The following GNAT2 variants were observed in gnomAD, a reference collection of about 807,000 sequenced individuals.
GNAT2 encodes guanine nucleotide-binding protein G(t) subunit alpha-2.
GNAT2 carries 32 observed loss-of-function variants against 40.9 expected under a neutral mutation model. The ratio of observed to expected loss-of-function variants is 0.78; its 90% confidence interval spans 0.59 to 1.05. The LOEUF (loss-of-function observed/expected upper bound fraction) is 1.05, where lower values mean the gene tolerates loss of function less well. Ranked by LOEUF, GNAT2 falls within the 50% of genes least tolerant of loss-of-function variation. GNAT2 has a pLI of 0.00. For synonymous variants in GNAT2, 141 were observed against 157.2 expected (o/e 0.90, Z 0.77); for missense variants, 355 against 431.5 (o/e 0.82, Z 1.57).
In GNAT2 at chr1:109,606,321, CTT is replaced by C; in HGVS notation, c.575_576del (p.Lys192ArgfsTer8). On this transcript the variant is annotated frameshift_variant, in exon 6 of 9. Transcript: ENST00000679935. LOFTEE classifies it high-confidence loss of function. ...TGIIETKFSV[K>X]DLNFRMFDVG... is the part of the protein sequence containing the mutation. ...CCATGCACTTACCTGAAATTCAAGTCTTTGACGGAAAACTTGGTTTCAATGAT... is the reference window on the plus strand; with the variant it reads ...CCATGCACTTACCTGAAATTCAAGTCTGACGGAAAACTTGGTTTCAATGAT... 6.2e-7 allele frequency: 1 copy of C among 1,613,894 alleles called. No individual in the cohort carries two copies. Among genetic ancestry groups the C allele is most frequent in the South Asian group, 1.1e-5 (1 of 91,072 alleles).
At chr1:109,606,852 A>ATT in intron 5 of GNAT2, 2 of 209,764 alleles carry the variant, frequency 9.5e-6, no homozygotes, top group African/African-American at 2.3e-5. Flanking sequence ...GGGAGGAAAC[A>ATT]TTTGAGATAA....
chr1:109,606,615 T>C (rs1021041079), intron 5 of GNAT2, 179 bp from the exon 6 acceptor site: 17 of 606,936 alleles, frequency 2.8e-5, no homozygotes, highest in African/African-American at 2.7e-4. Context: ...CTAGAGGAAA[T>C]GGGGGATGGA....
intron 5 of GNAT2, chr1:109,607,451 C>CAAAAAAAAAAAAAAAA (rs35202692): frequency 3.9e-5 from 5 of 126,770 alleles, no homozygotes; most frequent in African/African-American, 1.0e-4. Flanking sequence ...ACTCCGTCTC[C>CAAAAAAAAAAAAAAAA]AAAAAAAAAA....
chr1:109,617,899 A>C (rs576025912), intron 1 of GNAT2: 1 of 152,298 alleles, frequency 6.6e-6, no homozygotes, highest in South Asian at 2.1e-4. Context: ...TTTGAGATTC[A>C]TTTTATTCAT....
chr1:109,607,156 A>T (rs1177622727), intron 5 of GNAT2: 1 of 151,572 alleles, frequency 6.6e-6, no homozygotes, highest in African/African-American at 2.4e-5. Context: ...ATTTTTTTTA[A>T]AAAAAAAAAA....
chr1:109,604,147 T>A (rs749844683), intron 7 of GNAT2, 43 bp from the exon 8 acceptor site: 1 of 1,474,256 alleles, frequency 6.8e-7, no homozygotes. Flanking sequence ...ATTTGGCTTA[T>A]AGAATATCTA....
intron 8 of GNAT2, 90 bp from the exon 9 acceptor site, chr1:109,603,634 A>G (rs1393214364): frequency 2.2e-6 from 2 of 888,966 alleles, no homozygotes; most frequent in African/African-American, 1.6e-5. Context: ...GATCCTTGAA[A>G]TGTTATTAGA....
chr1:109,609,352 G>C (rs569480500), intron 4 of GNAT2: 84 of 179,302 alleles, frequency 4.7e-4, no homozygotes, highest in Non-Finnish European at 9.5e-4. Context: ...AGGGCTTGAG[G>C]ACAGGCACGG....
In GNAT2 at chr1:109,603,522, C is replaced by G. The variant is rs765445143; in HGVS notation, c.897G>C (p.Ala299=). ...EYDGNNSYDD[A]GNYIKSQFLD... ...GGAACTGGCTCTTTATGTAATTCCC[C>G]GCATCATCATAGGAGTTGTTACCTG... Residue 299 remains alanine (A), a synonymous_variant, in exon 9 of 9, where the codon GCG becomes GCC. Transcript: ENST00000679935. 6 of 1,610,070 alleles carry G rather than the reference C, an allele frequency of 3.7e-6. No homozygotes were observed. Among genetic ancestry groups the G allele is most frequent in the Middle Eastern group, 1.7e-4 (1 of 6,054 alleles).
chr1:109,617,522 A>G (rs1020359957), intron 1 of GNAT2: 11 of 152,242 alleles, frequency 7.2e-5, no homozygotes, highest in African/African-American at 2.7e-4. Flanking sequence ...TGCGTAGACA[A>G]TGAAACCTCA....
intron 1 of GNAT2, among the ~76,000 whole-genome samples, 150 bp downstream of exon 1, chr1:109,619,333 C>T (rs1484522135): frequency 1.3e-5 from 2 of 152,242 alleles, no homozygotes; most frequent in African/African-American, 2.4e-5. Flanking sequence ...AATAGAAGCA[C>T]AGAGAAGTTA....
At chr1:109,609,064 A>C (rs1276028152) in intron 4 of GNAT2, 2 of 491,072 alleles carry the variant, frequency 4.1e-6, no homozygotes, top group East Asian at 7.9e-5. Flanking sequence ...TTCCATCCTT[A>C]GTCTGAAAGT....
chr1:109,606,831 G>C (rs1378684489), intron 5 of GNAT2: 2 of 234,934 alleles, frequency 8.5e-6, no homozygotes, highest in East Asian at 2.1e-4. Flanking sequence ...TTTATATCCT[G>C]AATCAAACTG....
intron 2 of GNAT2, chr1:109,610,827 A>G (rs1649770988): frequency 2.3e-6 from 1 of 441,488 alleles, no homozygotes. Context: ...AAGTGTCTCC[A>G]GACATTTCCA....
intron 6 of GNAT2, 69 bp from the exon 7 acceptor site, chr1:109,606,168 C>T: frequency 6.3e-7 from 1 of 1,591,830 alleles, no homozygotes; most frequent in East Asian, 2.2e-5. Flanking sequence ...GATGGTCACC[C>T]CGTGAAGTGG....
intron 2 of GNAT2, chr1:109,610,792 C>T: frequency 1.9e-6 from 1 of 517,440 alleles, no homozygotes; most frequent in Non-Finnish European, 3.5e-6. Context: ...CAATAGCATC[C>T]CACTTCCCTA....
chr1:109,606,600 A>AT (rs1649605515), intron 5 of GNAT2, 164 bp from the exon 6 acceptor site: 2 of 638,298 alleles, frequency 3.1e-6, no homozygotes, highest in African/African-American at 3.6e-5. Context: ...TTCATATGTC[A>AT]TTAACTAGAG....
At chr1:109,614,765 T>C (rs1570567783) in intron 1 of GNAT2, 1 of 152,236 alleles carries the variant, frequency 6.6e-6, no homozygotes. Context: ...CCCTGAGCCA[T>C]AGCTAATTAT....
intron 1 of GNAT2, chr1:109,618,030 A>G (rs910192552): frequency 2.6e-5 from 4 of 152,272 alleles, no homozygotes; most frequent in South Asian, 2.1e-4. Context: ...GGTTGGGGGG[A>G]CTGTGGAGGC....
Sources: allele counts gnomAD v4.1 joint callset (sites outside exome capture counted in the v4.1 genomes callset), GRCh38; gene constraint gnomAD v4.1.1; transcripts MANE v1.5; gene names NCBI Gene and HGNC (gene_info 2026-07-23, HGNC 2026-07-21).